Variants in EIF3H observed in about 807,000 individuals in gnomAD.
EIF3H encodes eukaryotic translation initiation factor 3 subunit H, also known as eIF-3-gamma.
Under a neutral mutation model 44.2 loss-of-function variants are expected in EIF3H, and 26 were observed. That is an observed-to-expected ratio of 0.59 (90% CI 0.43 to 0.82). The LOEUF (loss-of-function observed/expected upper bound fraction) is 0.82. Ranked by LOEUF, EIF3H falls within the 40% of genes least tolerant of loss-of-function variation. The probability of loss-of-function intolerance (pLI) is 0.00; values close to 1 mark genes in which losing one functional copy is unlikely to be tolerated. For synonymous variants in EIF3H, 166 were observed against 151.9 expected (o/e 1.09, Z -0.68); for missense variants, 359 against 432.8 (o/e 0.83, Z 1.51).
rs768280495 is a variant in EIF3H at position 116,645,050 on chromosome 8, C to T, written c.1015G>A (p.Gly339Ser). The T allele has an allele frequency of 1.9e-6, 3 of 1,613,944 alleles. No individual in the cohort carries two copies. The highest frequency in any genetic ancestry group is 2.7e-5 in the African/African-American group (2 of 74,882). Residue 339 changes from glycine to serine, a missense_variant, in exon 8 of 8, where the codon GGC becomes AGC. Around this residue, in one of 5 missense-constraint regions of EIF3H, gnomAD observed 94 missense variants for 96.0 expected, o/e 0.98. Coordinates refer to ENST00000521861, the MANE Select transcript of EIF3H (RefSeq NM_003756.3). ...NIKEFTAQNLGKLFMAQALQE... is the reference protein window; with the variant it reads ...NIKEFTAQNLSKLFMAQALQE... Reference sequence around the variant, plus strand: ...AGAGCCTGGGCCATGAAGAGCTTGCCTAAGTTTTGGGCAGTGAACTCCTTG... The same window carrying T: ...AGAGCCTGGGCCATGAAGAGCTTGCTTAAGTTTTGGGCAGTGAACTCCTTG...
In EIF3H at chr8:116,738,101, G is replaced by C. The variant is rs577732290; in HGVS notation, c.133-11929C>G. Reference sequence around the variant, plus strand: ...TCTTCCTTTATACATCTGCATTTTAGTTATACTAGAATGGAGCATGTGTTT... The same window carrying C: ...TCTTCCTTTATACATCTGCATTTTACTTATACTAGAATGGAGCATGTGTTT... On this transcript the variant is annotated intron_variant, in intron 1 of 7. Coordinates refer to ENST00000521861, the MANE Select transcript of EIF3H (RefSeq NM_003756.3). Among the ~76,000 whole-genome samples the C allele has an allele frequency of 4.8e-4, 72 of 150,408 alleles. 1 individual carries two copies. The South Asian group carries it at 0.014, about 30-fold the overall frequency.
At chr8:116,685,349 G>C (rs1203042454) in intron 2 of EIF3H, among the ~76,000 whole-genome samples, 1 of 152,188 alleles carries the variant, frequency 6.6e-6, no homozygotes, top group African/African-American at 2.4e-5. Flanking sequence ...GAACTAGGTA[G>C]CAAGAAGCCT....
intron 1 of EIF3H, among the ~76,000 whole-genome samples, chr8:116,743,799 A>ATATATATATATATAT (rs1563659950): frequency 8.5e-4 from 74 of 86,998 alleles, no homozygotes; most frequent in Non-Finnish European, 1.3e-3. Context: ...TATATATATA[A>ATATATATATATATAT]ACACACACAC....
intron 1 of EIF3H, among the ~76,000 whole-genome samples, chr8:116,744,678 T>C (rs1341364548): frequency 2.0e-5 from 3 of 152,254 alleles, no homozygotes; most frequent in African/African-American, 7.2e-5. Flanking sequence ...CTTTAAGATA[T>C]TATCTAAAAC....
intron 2 of EIF3H, among the ~76,000 whole-genome samples, chr8:116,721,276 G>T (rs572632240): frequency 2.6e-5 from 4 of 152,222 alleles, no homozygotes; most frequent in Non-Finnish European, 1.5e-5. Flanking sequence ...CAGCTTCCAC[G>T]TGGTGTTGAG....
chr8:116,699,217 G>T (rs535156069), intron 2 of EIF3H, among the ~76,000 whole-genome samples: 2 of 151,726 alleles, frequency 1.3e-5, no homozygotes, highest in South Asian at 2.1e-4. Context: ...TTATATATAG[G>T]TCCACCATTC....
chr8:116,727,693 C>T lies in EIF3H; in HGVS notation c.133-1521G>A, dbSNP rs141847836. Among the ~76,000 whole-genome samples, 900 of 152,290 alleles carry T rather than the reference C, an allele frequency of 5.9e-3. 6 individuals carry two copies. The highest frequency in any genetic ancestry group is 0.02 in the African/African-American group (827 of 41,550). On this transcript the variant is annotated intron_variant, in intron 1 of 7. Transcript: ENST00000521861. ...CATACTAAATGGCAATATGGAGTTG[C>T]AGTCCTGCATTTAATGTCTTGAACA... is the stretch of plus-strand genomic sequence containing the variant.
Position 116,646,504 on chromosome 8 carries a change from G to A in EIF3H, c.928C>T (p.Pro310Ser). 6.2e-7 allele frequency: 1 copy of A among 1,614,204 alleles called. No individual in the cohort carries two copies. The highest frequency in any genetic ancestry group is 8.5e-7 in the Non-Finnish European group (1 of 1,180,034). Residue 310 changes from proline (P) to serine (S), a missense_variant, in exon 7 of 8, where the codon CCG becomes TCG. Coordinates refer to ENST00000521861, the MANE Select transcript of EIF3H (RefSeq NM_003756.3). ...DLSKLFKPPQPPARMDSLLIA... is the reference protein window; with the variant it reads ...DLSKLFKPPQSPARMDSLLIA... Reference sequence around the variant, plus strand: ...AGCAGCGAGTCCATCCTGGCAGGCGGCTGTGGTGGTTTGAAGAGTTTGGAC... The same window carrying A: ...AGCAGCGAGTCCATCCTGGCAGGCGACTGTGGTGGTTTGAAGAGTTTGGAC...
chr8:116,688,638 G>T (rs1220112176), intron 2 of EIF3H, among the ~76,000 whole-genome samples: 1 of 152,022 alleles, frequency 6.6e-6, no homozygotes, highest in East Asian at 1.9e-4. Flanking sequence ...GAAAATAAGG[G>T]GGAGCAACAG....
At chr8:116,713,779 T>C (rs115122812) in intron 2 of EIF3H, among the ~76,000 whole-genome samples, 1,789 of 152,218 alleles carry the variant, frequency 0.012, 39 homozygotes, top group African/African-American at 0.04. Context: ...GCCCTGATTA[T>C]TTAGCAGTAA....
intron 2 of EIF3H, among the ~76,000 whole-genome samples, chr8:116,712,756 A>ACAG (rs1020839829): frequency 6.6e-6 from 1 of 152,132 alleles, no homozygotes; most frequent in African/African-American, 2.4e-5. Context: ...TATAAAGCAA[A>ACAG]CAGAACACTT....
At chr8:116,649,592 A>G (rs1459462428) in intron 5 of EIF3H, among the ~76,000 whole-genome samples, 2 of 152,218 alleles carry the variant, frequency 1.3e-5, no homozygotes, top group Middle Eastern at 3.2e-3. Context: ...CTACCATGGT[A>G]ACGCCTGGAC....
intron 2 of EIF3H, among the ~76,000 whole-genome samples, chr8:116,722,905 T>C (rs1814775253): frequency 6.6e-6 from 1 of 152,176 alleles, no homozygotes. Context: ...TTTAAAACTT[T>C]GAAAATAAAG....
intron 2 of EIF3H, among the ~76,000 whole-genome samples, chr8:116,725,651 CTGACT>C (rs2130925912): frequency 6.6e-6 from 1 of 152,276 alleles, no homozygotes; most frequent in Non-Finnish European, 1.5e-5. Context: ...TTTCTAAACA[CTGACT>C]TATTCAAAAG....
At chr8:116,701,658 G>A (rs1251396360) in intron 2 of EIF3H, among the ~76,000 whole-genome samples, 3 of 152,104 alleles carry the variant, frequency 2.0e-5, no homozygotes, top group Non-Finnish European at 2.9e-5. Context: ...CCCAAATCAT[G>A]GGGATTATTC....
chr8:116,667,445 A>C, intron 2 of EIF3H, among the ~76,000 whole-genome samples: 1 of 144,450 alleles, frequency 6.9e-6, no homozygotes, highest in Non-Finnish European at 1.5e-5. Context: ...AAACACAGAA[A>C]ACTGTTTGTA....
rs1204019609 is a variant in EIF3H, at chr8:116,644,299, A to C, written c.*707T>G. 1 of 152,388 alleles carries C rather than the reference A, an allele frequency of 6.6e-6. No homozygotes were observed. The highest frequency in any genetic ancestry group is 1.5e-5 in the Non-Finnish European group (1 of 68,174). 9.4% of individuals were successfully genotyped at this position (152,388 alleles called of 1,614,324 possible). A position where few individuals can be genotyped will look rare whatever the true frequency, so the allele number is the denominator to read the frequency against. On this transcript the variant is annotated 3_prime_UTR_variant, in exon 8 of 8. Transcript: ENST00000521861. ...CAGCTACTTGGGAGGCTGAGGTGGG[A>C]GAATCGCTTGAACTCAGAAGGTGGA...
intron 2 of EIF3H, among the ~76,000 whole-genome samples, chr8:116,692,003 C>T (rs890529407): frequency 6.6e-6 from 1 of 152,164 alleles, no homozygotes; most frequent in Non-Finnish European, 1.5e-5. Context: ...TGTGCAAACA[C>T]TAATACAAAC....
chr8:116,743,243 G>C lies in EIF3H; in HGVS notation c.132+12423C>G, dbSNP rs141125395. On this transcript the variant is annotated intron_variant, in intron 1 of 7. Coordinates refer to ENST00000521861, the MANE Select transcript of EIF3H (RefSeq NM_003756.3). Reference sequence around the variant, plus strand: ...GGCAGGGGGATCACCTTAAGGCCAGGAGTTCAAAACCAGCCTGGTCAATAT... The same window carrying C: ...GGCAGGGGGATCACCTTAAGGCCAGCAGTTCAAAACCAGCCTGGTCAATAT... 6.6e-5 allele frequency among the ~76,000 whole-genome samples: 10 copies of C among 152,102 alleles called. No individual in the cohort carries two copies. In the East Asian group the frequency reaches 1.4e-3, roughly 21 times the overall value.
Sources: allele counts gnomAD v4.1 joint callset (sites outside exome capture counted in the v4.1 genomes callset), GRCh38; gene constraint gnomAD v4.1.1; regional missense constraint gnomAD v4.1.1; transcripts MANE v1.5; gene names NCBI Gene and HGNC (gene_info 2026-07-23, HGNC 2026-07-21).